ZCCHC24: variants seen among roughly 807,000 people sequenced by gnomAD.
The protein encoded by ZCCHC24 is zinc finger CCHC-type containing 24.
A neutral mutation model predicts 26.2 loss-of-function variants in ZCCHC24; 10 were observed. The ratio of observed to expected loss-of-function variants is 0.38; its 90% confidence interval spans 0.24 to 0.65. The LOEUF (loss-of-function observed/expected upper bound fraction) is 0.65, where lower values mean the gene tolerates loss of function less well. ZCCHC24 is among the 30% of genes least tolerant of loss of function. The pLI is 0.54. For missense variants in ZCCHC24, 243 were observed against 329.1 expected, an observed-to-expected ratio of 0.74 and a Z score of 2.03; for synonymous variants, 144 against 147.1, an observed-to-expected ratio of 0.98 and a Z score of 0.15.
intron 1 of ZCCHC24, among the ~76,000 whole-genome samples, chr10:79,433,129 A>T (rs1857158888): frequency 6.6e-6 from 1 of 152,236 alleles, no homozygotes; most frequent in South Asian, 2.1e-4. Context: ...ACATACTGCC[A>T]TGAGGTAAGA....
chr10:79,435,452 C>G (rs570114897), intron 1 of ZCCHC24, among the ~76,000 whole-genome samples: 1 of 152,292 alleles, frequency 6.6e-6, no homozygotes, highest in African/African-American at 2.4e-5. Context: ...CTTGGCAGCT[C>G]GACACCCCAC....
At chr10:79,436,762 G>A (rs1159567982) in intron 1 of ZCCHC24, among the ~76,000 whole-genome samples, 2 of 152,242 alleles carry the variant, frequency 1.3e-5, no homozygotes, top group Non-Finnish European at 2.9e-5. Flanking sequence ...CGAGTGGAGG[G>A]GCACTCCCAC....
rs376394076 is a variant in ZCCHC24 at position 79,386,227 on chromosome 10, C to T, written c.*118G>A. The T allele has an allele frequency of 1.4e-4, 124 of 910,092 alleles. No homozygotes were observed. Among genetic ancestry groups the T allele is most frequent in the African/African-American group, 1.1e-3 (69 of 60,698 alleles). The allele number at this position is 910,092 out of a possible 1,614,324, so 56.4% of individuals were successfully genotyped here. On this transcript the variant is annotated 3_prime_UTR_variant, in exon 4 of 4. Transcript: ENST00000372336. ...ACGCTAAGAGCCCCCGGCCCAGCCC[C>T]GCAGGCCTGCGAGGGCACCCCATGC...
chr10:79,394,636 A>G (rs1856521094), intron 2 of ZCCHC24, 196 bp from the exon 3 acceptor site: 8 of 985,448 alleles, frequency 8.1e-6, no homozygotes, highest in Non-Finnish European at 9.6e-6. Flanking sequence ...GCACATAGGG[A>G]ACAGAAAACA....
chr10:79,403,881 G>C (rs1259882733), intron 2 of ZCCHC24, among the ~76,000 whole-genome samples: 1 of 152,064 alleles, frequency 6.6e-6, no homozygotes, highest in African/African-American at 2.4e-5. Context: ...AGGGGGGCAT[G>C]GAGTGGGGGT....
At chr10:79,421,930 T>C (rs1310812603) in intron 2 of ZCCHC24, among the ~76,000 whole-genome samples, 2 of 152,056 alleles carry the variant, frequency 1.3e-5, no homozygotes, top group Non-Finnish European at 2.9e-5. Flanking sequence ...CACCCAGCCT[T>C]CTATACATTT....
chr10:79,403,409 A>C (rs1856664854), intron 2 of ZCCHC24: 1 of 985,102 alleles, frequency 1.0e-6, no homozygotes, highest in Non-Finnish European at 1.2e-6. Context: ...CCAACCAAAG[A>C]CCTCCACACT....
chr10:79,421,037 G>A (rs1413426418), intron 2 of ZCCHC24, among the ~76,000 whole-genome samples: 1 of 152,210 alleles, frequency 6.6e-6, no homozygotes, highest in Admixed American at 6.5e-5. Flanking sequence ...ACGCAGGCAG[G>A]CTGGCTTCAG....
chr10:79,443,036 T>C (rs931967862), intron 1 of ZCCHC24, among the ~76,000 whole-genome samples: 2 of 152,120 alleles, frequency 1.3e-5, no homozygotes, highest in African/African-American at 4.8e-5. Flanking sequence ...AGGTCTCAAA[T>C]ACTATAGATA....
At chr10:79,442,369 C>A (rs551713318) in intron 1 of ZCCHC24, among the ~76,000 whole-genome samples, 1 of 152,332 alleles carries the variant, frequency 6.6e-6, no homozygotes, top group South Asian at 2.1e-4. Context: ...GCTCTCAGGG[C>A]CAGTGTGCCA....
intron 2 of ZCCHC24, among the ~76,000 whole-genome samples, chr10:79,431,879 A>G (rs1857135274): frequency 2.0e-5 from 3 of 152,168 alleles, no homozygotes; most frequent in Non-Finnish European, 4.4e-5. Flanking sequence ...GGATCCCAAA[A>G]CCATGTCTAT....
intron 2 of ZCCHC24, among the ~76,000 whole-genome samples, chr10:79,430,516 C>T (rs1857109800): frequency 6.6e-6 from 1 of 151,938 alleles, no homozygotes; most frequent in Admixed American, 6.6e-5. Context: ...CCTCCTTCTG[C>T]CGTAGAGTTA....
intron 2 of ZCCHC24, among the ~76,000 whole-genome samples, chr10:79,420,698 G>A (rs1164765268): frequency 2.0e-5 from 3 of 152,058 alleles, no homozygotes; most frequent in African/African-American, 7.2e-5. Flanking sequence ...GCTTGAACTC[G>A]GGAAGCGGAG....
intron 2 of ZCCHC24, among the ~76,000 whole-genome samples, chr10:79,416,732 GGAACAT>G (rs1483922345): frequency 6.6e-6 from 1 of 152,140 alleles, no homozygotes; most frequent in African/African-American, 2.4e-5. Flanking sequence ...AGACTGCTGG[GGAACAT>G]GTCCAAGCTG....
At position 79,444,379 on chromosome 10, in the gene ZCCHC24, A is replaced by C. The variant is rs559086914; in HGVS notation, c.246+816T>G. 14 of 738,654 alleles carry C rather than the reference A, an allele frequency of 1.9e-5. No individual in the cohort carries two copies. The Admixed American group carries it at 6.3e-4, about 33-fold the overall frequency. The allele number at this position is 738,654 out of a possible 1,614,324, so 45.8% of individuals were successfully genotyped here. A position where few individuals can be genotyped will look rare whatever the true frequency, so the allele number is the denominator to read the frequency against. Reference sequence around the variant, plus strand: ...TCTTGCTGGCAAAGAGGCGCTGCCCAGTCAACTTTGTAACTGAATCCACCA... The same window carrying C: ...TCTTGCTGGCAAAGAGGCGCTGCCCCGTCAACTTTGTAACTGAATCCACCA... On this transcript the variant is annotated intron_variant, in intron 1 of 3. Transcript: ENST00000372336.
At chr10:79,421,745 G>A (rs750749241) in intron 2 of ZCCHC24, among the ~76,000 whole-genome samples, 23 of 152,078 alleles carry the variant, frequency 1.5e-4, no homozygotes, top group Admixed American at 7.2e-4. Flanking sequence ...TCCTGCCTCA[G>A]CCTCCCAAGT....
chr10:79,430,525 TAA>T (rs1857110154), intron 2 of ZCCHC24, among the ~76,000 whole-genome samples: 1 of 151,932 alleles, frequency 6.6e-6, no homozygotes, highest in South Asian at 2.1e-4. Context: ...GCCGTAGAGT[TAA>T]GAGTCCAATA....
At chr10:79,398,120 G>A (rs1856572000) in intron 2 of ZCCHC24, among the ~76,000 whole-genome samples, 1 of 152,202 alleles carries the variant, frequency 6.6e-6, no homozygotes, top group African/African-American at 2.4e-5. Context: ...AGGACCAGAC[G>A]TCCTCAGCGC....
intron 2 of ZCCHC24, among the ~76,000 whole-genome samples, chr10:79,424,237 C>T (rs1288564490): frequency 6.6e-6 from 1 of 152,232 alleles, no homozygotes; most frequent in Non-Finnish European, 1.5e-5. Context: ...GCAACACAAG[C>T]TCCTAGACAG....
Sources: gnomAD v4.1 joint callset for allele counts (sites outside exome capture counted in the v4.1 genomes callset) on GRCh38, gnomAD v4.1.1 for gene constraint, MANE v1.5 for transcripts, NCBI Gene and HGNC (gene_info 2026-07-23, HGNC 2026-07-21) for gene names.